CHRM2: variants seen among roughly 807,000 people sequenced by gnomAD.
CHRM2 encodes the protein muscarinic acetylcholine receptor M2.
CHRM2 carries 8 observed loss-of-function variants against 25.0 expected under a neutral mutation model. The observed-to-expected ratio is 0.32, with a 90% confidence interval of 0.19 to 0.58. The LOEUF (loss-of-function observed/expected upper bound fraction) is 0.58, where lower values mean the gene tolerates loss of function less well. Among genes scored for constraint, CHRM2 ranks in the 20% least tolerant of loss-of-function variants. The pLI, the probability that CHRM2 is intolerant of heterozygous loss-of-function variation, is 0.88. For synonymous variants in CHRM2, 202 were observed against 205.7 expected (o/e 0.98, Z 0.15); for missense variants, 440 against 567.1 (o/e 0.78, Z 2.28).
At position 136,963,964 on chromosome 7, in the gene CHRM2, C is replaced by T. The variant is rs1356047861; in HGVS notation, c.-124-28223C>T. Reference sequence around the variant, plus strand: ...GTCCTCTCTTTATACTTCTCATTTGCGTACTGCACTGTTCGGCTGGGTTCT... The same window carrying T: ...GTCCTCTCTTTATACTTCTCATTTGTGTACTGCACTGTTCGGCTGGGTTCT... On this transcript the variant is annotated intron_variant, in intron 2 of 3. Transcript: ENST00000680005. 2.6e-5 allele frequency among the ~76,000 whole-genome samples: 4 copies of T among 152,184 alleles called. No homozygotes were observed. In the East Asian group the frequency reaches 5.8e-4, roughly 22 times the overall value.
In CHRM2 at chr7:136,964,286, T is replaced by C. The variant is rs144418053; in HGVS notation, c.-124-27901T>C. 6.5e-4 allele frequency among the ~76,000 whole-genome samples: 99 copies of C among 152,284 alleles called. 2 individuals carry two copies. The East Asian group carries it at 0.015, about 23-fold the overall frequency. ...CTTTTATATACAACACATCCATATATTATTGCTATTTAGGGGATCACTATT... is the reference window on the plus strand; with the variant it reads ...CTTTTATATACAACACATCCATATACTATTGCTATTTAGGGGATCACTATT... On this transcript the variant is annotated intron_variant, in intron 2 of 3. Coordinates refer to ENST00000680005, the MANE Select transcript of CHRM2 (RefSeq NM_001006630.2).
intron 2 of CHRM2, among the ~76,000 whole-genome samples, chr7:136,908,786 A>G (rs1035028919): frequency 1.3e-5 from 2 of 151,944 alleles, no homozygotes; most frequent in African/African-American, 2.4e-5. Flanking sequence ...AAAAAAATCT[A>G]TTTTCACGAT....
intron 2 of CHRM2, among the ~76,000 whole-genome samples, chr7:136,896,666 G>T (rs1004529066): frequency 6.6e-6 from 1 of 151,944 alleles, no homozygotes; most frequent in African/African-American, 2.4e-5. Flanking sequence ...ACACCTTTAG[G>T]ATCACGCAAT....
intron 2 of CHRM2, among the ~76,000 whole-genome samples, chr7:136,939,672 C>T (rs1799649604): frequency 6.6e-6 from 1 of 152,126 alleles, no homozygotes; most frequent in South Asian, 2.1e-4. Context: ...GGGACTTACT[C>T]TGTTTTTCAA....
At chr7:136,930,546 C>A (rs923970364) in intron 2 of CHRM2, among the ~76,000 whole-genome samples, 6 of 151,276 alleles carry the variant, frequency 4.0e-5, no homozygotes, top group African/African-American at 1.5e-4. Context: ...AGATTTTTTG[C>A]TGATATATTA....
intron 2 of CHRM2, among the ~76,000 whole-genome samples, chr7:136,874,783 T>C (rs1374226924): frequency 1.3e-5 from 2 of 151,998 alleles, no homozygotes; most frequent in African/African-American, 4.8e-5. Context: ...GTAGAATACA[T>C]TTGTTGTCTG....
chr7:136,877,437 A>T (rs1447812988), intron 2 of CHRM2, among the ~76,000 whole-genome samples: 1 of 151,986 alleles, frequency 6.6e-6, no homozygotes, highest in Admixed American at 6.6e-5. Context: ...TCCTTCTTAA[A>T]TTCCTTTCAT....
chr7:136,985,636 T>G (rs1237674861), intron 2 of CHRM2, among the ~76,000 whole-genome samples: 2 of 152,202 alleles, frequency 1.3e-5, no homozygotes, highest in Non-Finnish European at 2.9e-5. Context: ...CAAGATTATT[T>G]ATAAGAAAGG....
chr7:136,990,138 T>G (rs1301789247), intron 2 of CHRM2, among the ~76,000 whole-genome samples: 1 of 152,134 alleles, frequency 6.6e-6, no homozygotes, highest in East Asian at 1.9e-4. Context: ...CCTCCTACCC[T>G]CACACATGCA....
At chr7:136,950,515 TC>T (rs1161616834) in intron 2 of CHRM2, among the ~76,000 whole-genome samples, 1 of 152,096 alleles carries the variant, frequency 6.6e-6, no homozygotes, top group Non-Finnish European at 1.5e-5. Context: ...CTTTCCCACA[TC>T]TGTGAAGGAA....
chr7:136,970,865 A>G (rs571096247), intron 2 of CHRM2, among the ~76,000 whole-genome samples: 2 of 152,232 alleles, frequency 1.3e-5, no homozygotes, highest in South Asian at 4.1e-4. Flanking sequence ...TTGGGTCCCA[A>G]ATCTAAGATC....
At chr7:136,874,973 C>T (rs1485405340) in intron 2 of CHRM2, among the ~76,000 whole-genome samples, 1 of 149,532 alleles carries the variant, frequency 6.7e-6, no homozygotes, top group Admixed American at 6.7e-5. Context: ...GTCTTTAAGA[C>T]TTCTAAATGG....
intron 2 of CHRM2, among the ~76,000 whole-genome samples, chr7:136,969,004 TG>T (rs1801595645): frequency 6.6e-6 from 1 of 152,106 alleles, no homozygotes. Context: ...GTGTGAATAC[TG>T]TATTCAGTTC....
At chr7:136,933,857 G>A (rs1417881188) in intron 2 of CHRM2, among the ~76,000 whole-genome samples, 2 of 152,166 alleles carry the variant, frequency 1.3e-5, no homozygotes, top group Non-Finnish European at 2.9e-5. Context: ...TTCCAGAATA[G>A]GCAAATCTAC....
chr7:136,935,982 C>T (rs1799388496), intron 2 of CHRM2, among the ~76,000 whole-genome samples: 1 of 152,138 alleles, frequency 6.6e-6, no homozygotes, highest in South Asian at 2.1e-4. Context: ...TGATATAACC[C>T]TTCCTCTACC....
chr7:137,014,787 T>C (rs1454589369), intron 3 of CHRM2, 33 bp from the exon 4 acceptor site: 1 of 1,244,984 alleles, frequency 8.0e-7, no homozygotes, highest in African/African-American at 1.5e-5. Context: ...ATGTTTATAT[T>C]ATGTTTGTTA....
At chr7:136,871,555 CTTTGTGAGCAATCGGTAA>C (rs1795841381) in intron 2 of CHRM2, 1 of 152,746 alleles carries the variant, frequency 6.5e-6, no homozygotes. Flanking sequence ...GCGCATTGCA[CTTTGTGAGCAATCGGTAA>C]ATATGCGCAA....
chr7:136,954,846 T>C (rs1800627367), intron 2 of CHRM2, among the ~76,000 whole-genome samples: 1 of 152,184 alleles, frequency 6.6e-6, no homozygotes, highest in African/African-American at 2.4e-5. Flanking sequence ...TGGATTAAGA[T>C]ATTCATAACC....
intron 2 of CHRM2, among the ~76,000 whole-genome samples, chr7:136,956,426 G>T (rs771531612): frequency 2.0e-5 from 3 of 152,130 alleles, no homozygotes; most frequent in African/African-American, 4.8e-5. Context: ...TAGAAAAAAT[G>T]CTTCACTCTG....
Sources: gnomAD v4.1 joint callset for allele counts (sites outside exome capture counted in the v4.1 genomes callset) on GRCh38, gnomAD v4.1.1 for gene constraint, MANE v1.5 for transcripts, NCBI Gene and HGNC (gene_info 2026-07-23, HGNC 2026-07-21) for gene names.